Variants in GOLGA2 observed in about 807,000 individuals in gnomAD.
The protein encoded by GOLGA2 is golgin subfamily A member 2.
Under a neutral mutation model 148.8 loss-of-function variants are expected in GOLGA2, and 49 were observed. That is an observed-to-expected ratio of 0.33 (90% CI 0.26 to 0.42). The LOEUF (loss-of-function observed/expected upper bound fraction) is 0.42, where lower values mean the gene tolerates loss of function less well. Among genes scored for constraint, GOLGA2 ranks in the 10% least tolerant of loss-of-function variants. The pLI, the probability that GOLGA2 is intolerant of heterozygous loss-of-function variation, is 1.00. For synonymous variants in GOLGA2, 501 were observed against 511.8 expected, an observed-to-expected ratio of 0.98 and a Z score of 0.28; for missense variants, 1,178 against 1,304.6, an observed-to-expected ratio of 0.90 and a Z score of 1.49.
chr9:128,265,491 G>A (rs1830533380), intron 12 of GOLGA2, 94 bp downstream of exon 12: 1 of 953,794 alleles, frequency 1.0e-6, no homozygotes. Flanking sequence ...TGCCTTCTAG[G>A]CAGGACAGTC....
chr9:128,264,103 T>G (rs1207277432), intron 12 of GOLGA2, among the ~76,000 whole-genome samples: 6 of 150,004 alleles, frequency 4.0e-5, no homozygotes, highest in Non-Finnish European at 7.4e-5. Flanking sequence ...AGACAGAGCT[T>G]GCAGTGAGCC....
rs752283484 is a variant in GOLGA2 at position 128,267,902 on chromosome 9, CA to C, written c.501+31del. ...GTTTCTATCATAGTTCCCTTCCCCCCACCCCGCTCTCGGCCTCAGTTCCTGA... is the reference window on the plus strand; with the variant it reads ...GTTTCTATCATAGTTCCCTTCCCCCCCCCCGCTCTCGGCCTCAGTTCCTGA... On this transcript the variant is annotated intron_variant, in intron 6 of 26. Coordinates refer to ENST00000611957, the MANE Select transcript of GOLGA2 (RefSeq NM_001366244.2). 3,586 of 1,518,676 alleles carry C rather than the reference CA, an allele frequency of 2.4e-3. 6 individuals carry two copies. Among genetic ancestry groups the C allele is most frequent in the Non-Finnish European group, 3.0e-3 (3,239 of 1,094,524 alleles). The allele number at this position is 1,518,676 out of a possible 1,614,324, so 94.1% of individuals were successfully genotyped here. A position where few individuals can be genotyped will look rare whatever the true frequency, so the allele number is the denominator to read the frequency against.
At position 128,262,646 on chromosome 9, in the gene GOLGA2, G is replaced by A. The variant is rs1376371076; in HGVS notation, c.1051C>T (p.Leu351=). 3 of 1,613,594 alleles carry A rather than the reference G, an allele frequency of 1.9e-6. No individual in the cohort carries two copies. Among genetic ancestry groups the A allele is most frequent in the Non-Finnish European group, 2.5e-6 (3 of 1,179,616 alleles). ...KSELEEKLRV[L]VTEKAGMQLN... ...TGCATGCCAGCCTTCTCAGTCACTA[G>A]GACCCGAAGCTTCTCTTCCAATTCT... Residue 351 remains leucine, a synonymous_variant, in exon 14 of 27, where the codon CTA becomes TTA. Transcript: ENST00000611957.
chr9:128,260,160 T>C lies in GOLGA2; in HGVS notation c.1788A>G (p.Ala596=), dbSNP rs1460842696. ...LTNENMEITS[A]LQSEQHVKRE... ...TCTTGACGTGCTGCTCCGACTGCAGTGCGCTGGTGATCTCCATGTTCTCAT... is the reference window on the plus strand; with the variant it reads ...TCTTGACGTGCTGCTCCGACTGCAGCGCGCTGGTGATCTCCATGTTCTCAT... The change falls in exon 19 of 27, where the codon GCA becomes GCG. Residue 596 remains alanine (A), a synonymous_variant. Transcript: ENST00000611957. The surrounding 1 kb of genome is among the most constrained non-coding windows in gnomAD (Gnocchi z 4.8). The C allele has an allele frequency of 6.2e-7, 1 of 1,609,564 alleles. No individual in the cohort carries two copies. Among genetic ancestry groups the C allele is most frequent in the Non-Finnish European group, 8.5e-7 (1 of 1,179,440 alleles).
chr9:128,258,461 T>A lies in GOLGA2; in HGVS notation c.2283A>T (p.Glu761Asp), dbSNP rs755613715. 1 of 1,612,856 alleles carries A rather than the reference T, an allele frequency of 6.2e-7. No individual in the cohort carries two copies. The highest frequency in any genetic ancestry group is 1.1e-5 in the South Asian group (1 of 90,904). Residue 761 changes from glutamate to aspartate, a missense_variant, in exon 22 of 27, where the codon GAA becomes GAT. Transcript: ENST00000611957. This position sits in a 1 kb window ranked among gnomAD's most constrained non-coding sequence, Gnocchi z 6.6. ...GAGGGGGAGTCAGCCTCACCATGGC[T>A]TCCCGGCTCTCCAGGTCCTCCGGGA... ...PSIPEDLESR[E>D]AMVAFFNSAV...
In GOLGA2 at chr9:128,261,591, G is replaced by A; in HGVS notation, c.1225-30C>T. The A allele has an allele frequency of 6.6e-7, 1 of 1,522,288 alleles. No homozygotes were observed. The highest frequency in any genetic ancestry group is 9.1e-7 in the Non-Finnish European group (1 of 1,096,092). 94.3% of individuals were successfully genotyped at this position (1,522,288 alleles called of 1,614,324 possible). A position where few individuals can be genotyped will look rare whatever the true frequency, so the allele number is the denominator to read the frequency against. Reference sequence around the variant, plus strand: ...AAGAATGGCCACAGAAATGAGGAAGGACTGTCACTGGTTGTCACCTACTCC... The same window carrying A: ...AAGAATGGCCACAGAAATGAGGAAGAACTGTCACTGGTTGTCACCTACTCC... On this transcript the variant is annotated intron_variant, in intron 15 of 26. Coordinates refer to ENST00000611957, the MANE Select transcript of GOLGA2 (RefSeq NM_001366244.2). The surrounding 1 kb of genome is among the most constrained non-coding windows in gnomAD (Gnocchi z 5.7).
Position 128,259,409 on chromosome 9 carries a change from G to A in GOLGA2, c.1873-18C>T. 1 of 1,508,002 alleles carries A rather than the reference G, an allele frequency of 6.6e-7. No homozygotes were observed. The highest frequency in any genetic ancestry group is 9.0e-7 in the Non-Finnish European group (1 of 1,106,630). 93.4% of individuals were successfully genotyped at this position (1,508,002 alleles called of 1,614,324 possible). On this transcript the variant is annotated intron_variant, in intron 19 of 26. Coordinates refer to ENST00000611957, the MANE Select transcript of GOLGA2 (RefSeq NM_001366244.2). ...AGCTCCACCTGTAGGAAGACCCTGG[G>A]CGTGAGGGCAGGTGGTGGCCTGCTT...
chr9:128,257,238 T>C lies in GOLGA2; in HGVS notation c.2919A>G (p.Gln973=). The C allele has an allele frequency of 6.2e-7, 1 of 1,613,600 alleles. No individual in the cohort carries two copies. Among genetic ancestry groups the C allele is most frequent in the Non-Finnish European group, 8.5e-7 (1 of 1,179,920 alleles). Residue 973 remains glutamine, a synonymous_variant, in exon 27 of 27, where the codon CAA becomes CAG. Coordinates refer to ENST00000611957, the MANE Select transcript of GOLGA2 (RefSeq NM_001366244.2). The surrounding 1 kb of genome is among the most constrained non-coding windows in gnomAD (Gnocchi z 8.0). The part of the protein sequence containing the change: ...VSLAGSVEPA[Q]GEAREGSPRD... ...GGGGAGAACCCTCCCTGGCCTCTCC[T>C]TGGGCAGGCTCCACACTGCCGGCGA...
chr9:128,268,272 C>A, intron 4 of GOLGA2, 112 bp from the exon 5 acceptor site: 1 of 1,195,542 alleles, frequency 8.4e-7, no homozygotes, highest in South Asian at 1.2e-5. Flanking sequence ...CTCCCCAGGC[C>A]TCAAGGAAAA....
At chr9:128,275,437 C>A in intron 1 of GOLGA2, 1 of 1,302,988 alleles carries the variant, frequency 7.7e-7, no homozygotes, top group Non-Finnish European at 9.8e-7. Context: ...GGCCAGGACC[C>A]AGGTCCTTGG....
intron 1 of GOLGA2, among the ~76,000 whole-genome samples, chr9:128,274,290 G>C (rs1831162858): frequency 6.6e-6 from 1 of 152,158 alleles, no homozygotes; most frequent in African/African-American, 2.4e-5. Context: ...AGAACACTTA[G>C]GGATTGGGTC....
chr9:128,257,584 G>A lies in GOLGA2; in HGVS notation c.2718+17C>T, dbSNP rs1448091986. On this transcript the variant is annotated intron_variant, in intron 25 of 26. Transcript: ENST00000611957. This position sits in a 1 kb window ranked among gnomAD's most constrained non-coding sequence, Gnocchi z 8.0. ...GCCCGTGCCCACCTCCACCCCCAGA[G>A]ATGTTCCACACCCTACCTTCATCTC... 1 of 1,614,042 alleles carries A rather than the reference G, an allele frequency of 6.2e-7. No homozygotes were observed.
chr9:128,261,676 G>A lies in GOLGA2; in HGVS notation c.1216C>T (p.Leu406=), dbSNP rs1459193823. ...CCCCTGCAAAGCCTCACCTGCCCCA[G>A]GTGTGCTTCCAGCTGTGCCCGCTCC... ...MEERAQLEAH[L]GQVMESVRQL... is the part of the protein sequence containing the mutation. Residue 406 remains leucine, a synonymous_variant, in exon 15 of 27, where the codon CTG becomes TTG. Transcript: ENST00000611957. The surrounding 1 kb of genome is among the most constrained non-coding windows in gnomAD (Gnocchi z 5.7). The A allele has an allele frequency of 1.9e-6, 3 of 1,608,510 alleles. No homozygotes were observed. Among genetic ancestry groups the A allele is most frequent in the Middle Eastern group, 3.3e-4 (2 of 6,050 alleles).
intron 14 of GOLGA2, 47 bp downstream of exon 14, chr9:128,262,516 C>T: frequency 6.3e-7 from 1 of 1,591,622 alleles, no homozygotes; most frequent in Non-Finnish European, 8.6e-7. Flanking sequence ...AGACCATGGC[C>T]CCAGCTGGAT....
At position 128,255,889 on chromosome 9, in the gene GOLGA2, G is replaced by A. The variant is rs1044656448; in HGVS notation, c.*1178C>T. On this transcript the variant is annotated 3_prime_UTR_variant, in exon 27 of 27. Transcript: ENST00000611957. ...AAATAAACAGGAGTCGCATCACCAG[G>A]GCGCCACGACCCCATCCCCGCCTCC... is the stretch of plus-strand genomic sequence containing the variant. 2.6e-5 allele frequency: 4 copies of A among 152,566 alleles called. No individual in the cohort carries two copies. Among genetic ancestry groups the A allele is most frequent in the African/African-American group, 9.7e-5 (4 of 41,402 alleles). 9.5% of individuals were successfully genotyped at this position (152,566 alleles called of 1,614,324 possible).
Position 128,258,141 on chromosome 9 carries a change from C to T in GOLGA2, c.2347G>A (p.Gly783Arg). Reference sequence around the variant, plus strand: ...CGCACCCTTTGCTCCTTCAGCTGCCCACGTAGCCTTGCCTGCTCCTCCTCG... The same window carrying T: ...CGCACCCTTTGCTCCTTCAGCTGCCTACGTAGCCTTGCCTGCTCCTCCTCG... ...SAEEEQARLR[G>R]QLKEQRVRCR... Residue 783 changes from glycine to arginine, a missense_variant, in exon 23 of 27, where the codon GGG becomes AGG. By Grantham distance (125) the Gly-to-Arg change is moderately radical. Around this residue, in one of 5 missense-constraint regions of GOLGA2, gnomAD observed 529 missense variants for 521.8 expected, o/e 1.01. Transcript: ENST00000611957. This position sits in a 1 kb window ranked among gnomAD's most constrained non-coding sequence, Gnocchi z 6.6. The T allele has an allele frequency of 6.2e-7, 1 of 1,607,588 alleles. No individual in the cohort carries two copies. Among genetic ancestry groups the T allele is most frequent in the Non-Finnish European group, 8.5e-7 (1 of 1,178,988 alleles).
chr9:128,262,792 A>C (rs1830353355), intron 13 of GOLGA2, 88 bp from the exon 14 acceptor site: 1 of 1,289,570 alleles, frequency 7.8e-7, no homozygotes, highest in South Asian at 1.3e-5. Context: ...CCCCACAACC[A>C]CAGAACTGTG....
At position 128,266,632 on chromosome 9, in the gene GOLGA2, G is replaced by A. The variant is rs1229656538; in HGVS notation, c.643-307C>T. ...CTCTGCCAGTTTGTGATTTAGAAAG[G>A]TGTAATCATTCAACAAACATTTGCT... On this transcript the variant is annotated intron_variant, in intron 8 of 26. Coordinates refer to ENST00000611957, the MANE Select transcript of GOLGA2 (RefSeq NM_001366244.2). This position sits in a 1 kb window ranked among gnomAD's most constrained non-coding sequence, Gnocchi z 4.2. The A allele has an allele frequency of 2.0e-6, 1 of 506,088 alleles. No homozygotes were observed. The highest frequency in any genetic ancestry group is 3.5e-6 in the Non-Finnish European group (1 of 284,050). The allele number at this position is 506,088 out of a possible 1,614,324, so 31.3% of individuals were successfully genotyped here.
At chr9:128,264,710 G>A (rs924573452) in intron 12 of GOLGA2, among the ~76,000 whole-genome samples, 26 of 152,094 alleles carry the variant, frequency 1.7e-4, no homozygotes, top group Admixed American at 1.6e-3. Flanking sequence ...TTACAGGCAT[G>A]AGCCACCACA....
Sources: allele counts gnomAD v4.1 joint callset (sites outside exome capture counted in the v4.1 genomes callset), GRCh38; gene constraint gnomAD v4.1.1; regional missense constraint gnomAD v4.1.1; non-coding constraint Gnocchi (gnomAD v3.1); transcripts MANE v1.5; gene names NCBI Gene and HGNC (gene_info 2026-07-23, HGNC 2026-07-21).